The following PIK3C2G variants were observed in gnomAD, a reference collection of about 807,000 sequenced individuals.
The protein encoded by PIK3C2G is phosphatidylinositol-4-phosphate 3-kinase catalytic subunit type 2 gamma.
Under a neutral mutation model 181.1 loss-of-function variants are expected in PIK3C2G, and 168 were observed. The ratio of observed to expected loss-of-function variants is 0.93; its 90% CI spans 0.82 to 1.05. PIK3C2G has a LOEUF of 1.05. Ranked by LOEUF, PIK3C2G falls within the 50% of genes least tolerant of loss-of-function variation. PIK3C2G has a pLI of 0.00. For missense variants in PIK3C2G, 1,869 were observed against 1,732.8 expected, an observed-to-expected ratio of 1.08 and a Z score of -1.40; for synonymous variants, 573 against 592.2, an observed-to-expected ratio of 0.97 and a Z score of 0.47.
At chr12:18,548,532 C>G (rs1011905697) in intron 26 of PIK3C2G, among the ~76,000 whole-genome samples, 2 of 151,964 alleles carry the variant, frequency 1.3e-5, no homozygotes, top group Non-Finnish European at 2.9e-5. Flanking sequence ...TCTTGGATAT[C>G]AGTGATCTTG....
chr12:18,583,837 T>C (rs1324447930), intron 29 of PIK3C2G, among the ~76,000 whole-genome samples: 2 of 152,080 alleles, frequency 1.3e-5, no homozygotes, highest in Non-Finnish European at 2.9e-5. Flanking sequence ...ATGACTGCAC[T>C]AGTTCTCCAA....
At chr12:18,651,078 TC>T (rs1311852924), downstream of PIK3C2G, among the ~76,000 whole-genome samples, 2 of 151,958 alleles carry the variant, frequency 1.3e-5, no homozygotes, top group African/African-American at 4.8e-5. Context: ...TGATCTGACC[TC>T]CCATCCTCAT....
chr12:18,553,086 A>G (rs960701917), intron 26 of PIK3C2G, among the ~76,000 whole-genome samples: 2 of 152,038 alleles, frequency 1.3e-5, no homozygotes, highest in African/African-American at 2.4e-5. Context: ...GTTAATCCCC[A>G]TTGATATTTC....
chr12:18,694,368 T>C, the PIK3C2G span, among the ~76,000 whole-genome samples: 6 of 152,184 alleles, frequency 3.9e-5, no homozygotes, highest in African/African-American at 1.4e-4. Context: ...AGGGAATATG[T>C]TAAAGTTGAC....
intron 11 of PIK3C2G, among the ~76,000 whole-genome samples, chr12:18,351,435 G>A (rs1220475581): frequency 6.6e-6 from 1 of 152,058 alleles, no homozygotes; most frequent in Non-Finnish European, 1.5e-5. Flanking sequence ...CAGCATTCTG[G>A]TAGAAGAACA....
chr12:18,446,386 G>A lies in PIK3C2G; in HGVS notation c.2504+22347G>A, dbSNP rs577950144. 2.6e-5 allele frequency among the ~76,000 whole-genome samples: 4 copies of A among 152,202 alleles called. No homozygotes were observed. The South Asian group carries it at 8.3e-4, about 32-fold the overall frequency. On this transcript the variant is annotated intron_variant, in intron 18 of 32. Coordinates refer to ENST00000538779, the MANE Select transcript of PIK3C2G (RefSeq NM_001288772.2). ...TACAGGGAAAAAAAGAGAGTTCATG[G>A]TATGTATTCTCTGCCTCCCTAACTG... is the stretch of plus-strand genomic sequence containing the variant.
Position 18,563,236 on chromosome 12 carries a change from T to A in PIK3C2G, c.3781-141T>A, listed in dbSNP as rs557533268. 5 of 740,266 alleles carry A rather than the reference T, an allele frequency of 6.8e-6. No individual in the cohort carries two copies. In the East Asian group the frequency reaches 1.4e-4, roughly 20 times the overall value. 45.9% of individuals were successfully genotyped at this position (740,266 alleles called of 1,614,324 possible). The stretch of plus-strand genomic sequence containing the variant: ...TATTATTTATATTTAATTTTGCCTT[T>A]ACAAAATGCATCTCCTAGCTTTTAT... On this transcript the variant is annotated intron_variant, in intron 27 of 32. Transcript: ENST00000538779.
At chr12:18,694,185 C>T in the PIK3C2G span, 1 of 651,484 alleles carries the variant, frequency 1.5e-6, no homozygotes, top group Non-Finnish European at 2.7e-6. Context: ...CCAGAGGAAT[C>T]TCTGTTCCCA....
chr12:18,532,504 TG>T (rs1430460541), intron 24 of PIK3C2G, among the ~76,000 whole-genome samples: 1 of 152,198 alleles, frequency 6.6e-6, no homozygotes, highest in African/African-American at 2.4e-5. Context: ...GTATTAGGTA[TG>T]AAGTTTGGGT....
intron 1 of PIK3C2G, among the ~76,000 whole-genome samples, chr12:18,248,362 GGAGATC>G (rs1342109111): frequency 2.0e-5 from 3 of 152,120 alleles, no homozygotes; most frequent in African/African-American, 7.2e-5. Flanking sequence ...CACGAGGTCA[GGAGATC>G]GAGACCATCC....
intron 29 of PIK3C2G, among the ~76,000 whole-genome samples, chr12:18,568,769 T>A (rs994928186): frequency 1.3e-5 from 2 of 152,158 alleles, no homozygotes; most frequent in Non-Finnish European, 2.9e-5. Flanking sequence ...CAGACAAAAT[T>A]AACCATCACA....
At chr12:18,528,271 CA>C (rs2136206524) in intron 24 of PIK3C2G, among the ~76,000 whole-genome samples, 1 of 152,236 alleles carries the variant, frequency 6.6e-6, no homozygotes, top group Admixed American at 6.5e-5. Flanking sequence ...ATATCAAGAA[CA>C]GTATAAGCTT....
chr12:18,290,827 A>C, intron 3 of PIK3C2G, 28 bp from the exon 4 acceptor site: 1 of 1,466,912 alleles, frequency 6.8e-7, no homozygotes, highest in Non-Finnish European at 9.5e-7. Context: ...TCTTGTCCTA[A>C]GTATTTTTCT....
At chr12:18,386,601 G>A (rs1357272207) in intron 14 of PIK3C2G, among the ~76,000 whole-genome samples, 2 of 152,096 alleles carry the variant, frequency 1.3e-5, no homozygotes, top group Admixed American at 6.6e-5. Flanking sequence ...CATCCAGGTG[G>A]TAGCCCCGAT....
At chr12:18,570,390 A>G (rs138882964) in intron 29 of PIK3C2G, among the ~76,000 whole-genome samples, 6,082 of 145,594 alleles carry the variant, frequency 0.042, 676 homozygotes, top group African/African-American at 0.14. Context: ...TGTATTTTTA[A>G]TAGAGACGGG....
intron 30 of PIK3C2G, among the ~76,000 whole-genome samples, chr12:18,596,314 A>G (rs1947359728): frequency 1.3e-5 from 2 of 152,104 alleles, no homozygotes; most frequent in Admixed American, 6.6e-5. Context: ...ACTTGGAATA[A>G]AAAAACTACA....
the PIK3C2G span, chr12:18,684,280 C>T: frequency 6.2e-7 from 1 of 1,601,118 alleles, no homozygotes; most frequent in South Asian, 1.1e-5. Context: ...GGACTAAAAG[C>T]TGAAATATAA....
intron 24 of PIK3C2G, among the ~76,000 whole-genome samples, chr12:18,506,721 T>A (rs1037464918): frequency 3.3e-5 from 5 of 152,130 alleles, no homozygotes; most frequent in Middle Eastern, 3.2e-3. Flanking sequence ...AGTAAGGAAA[T>A]CAGAAGTTGA....
At chr12:18,538,349 C>A in intron 25 of PIK3C2G, 37 bp downstream of exon 25, 1 of 1,550,864 alleles carries the variant, frequency 6.4e-7, no homozygotes, top group Non-Finnish European at 8.7e-7. Flanking sequence ...AAATAATAAG[C>A]TTCATTTATG....
Sources: allele counts gnomAD v4.1 joint callset (sites outside exome capture counted in the v4.1 genomes callset), GRCh38; gene constraint gnomAD v4.1.1; transcripts MANE v1.5; gene names NCBI Gene and HGNC (gene_info 2026-07-23, HGNC 2026-07-21).